Variants in PPM1E observed in about 807,000 individuals in gnomAD.
PPM1E encodes the protein protein phosphatase 1E.
In PPM1E, 20 loss-of-function variants were observed where a neutral mutation model predicts 65.9. That is an observed-to-expected ratio of 0.30 (90% CI 0.21 to 0.44). The LOEUF (loss-of-function observed/expected upper bound fraction) is 0.44, where lower values mean the gene tolerates loss of function less well. Ranked by LOEUF, PPM1E falls within the 20% of genes least tolerant of loss-of-function variation. The pLI is 1.00. For missense variants in PPM1E, 713 were observed against 953.1 expected (o/e 0.75, Z 3.32); for synonymous variants, 352 against 374.9 (o/e 0.94, Z 0.70).
At chr17:58,846,966 C>T (rs1320483533) in intron 1 of PPM1E, among the ~76,000 whole-genome samples, 1 of 152,270 alleles carries the variant, frequency 6.6e-6, no homozygotes, top group African/African-American at 2.4e-5. Flanking sequence ...GCCATTCTAA[C>T]TGGTGTGAGA....
At chr17:58,837,499 C>CT (rs570230875) in intron 1 of PPM1E, among the ~76,000 whole-genome samples, 35,421 of 131,218 alleles carry the variant, frequency 0.27, 5,037 homozygotes, top group Middle Eastern at 0.44. Flanking sequence ...AATCATGAGG[C>CT]TTTTTTTTTT....
rs552679391 is a variant in PPM1E, at chr17:58,956,134, TA to T, written c.583+368del. On this transcript the variant is annotated intron_variant, in intron 2 of 6. Transcript: ENST00000308249. The stretch of plus-strand genomic sequence containing the variant: ...CAAAACCTATTTGAAATGTTTAGCT[TA>T]CCTTTAAAAATCCAAGTTAGGCCAG... Among the ~76,000 whole-genome samples, 29 of 152,184 alleles carry T rather than the reference TA, an allele frequency of 1.9e-4. No individual in the cohort carries two copies. The South Asian group carries it at 6.0e-3, about 32-fold the overall frequency.
At chr17:58,967,684 TA>T (rs2030340652) in intron 3 of PPM1E, among the ~76,000 whole-genome samples, 1 of 152,062 alleles carries the variant, frequency 6.6e-6, no homozygotes, top group Non-Finnish European at 1.5e-5. Context: ...ATCCTTTTTT[TA>T]TTTTTTTAAG....
rs569970114 is a variant in PPM1E at position 58,841,091 on chromosome 17, C to T, written c.464+84630C>T. Among the ~76,000 whole-genome samples, 4 of 152,238 alleles carry T rather than the reference C, an allele frequency of 2.6e-5. No homozygotes were observed. In the South Asian group the frequency reaches 6.2e-4, roughly 24 times the overall value. On this transcript the variant is annotated intron_variant, in intron 1 of 6. Transcript: ENST00000308249. ...ATTGTTCTCACTCACCCTGGGGCAC[C>T]CCCCTTGTTGTTGCTAACTTATCAG...
At chr17:58,927,833 C>T (rs901014173) in intron 1 of PPM1E, among the ~76,000 whole-genome samples, 3 of 151,726 alleles carry the variant, frequency 2.0e-5, no homozygotes, top group Admixed American at 6.6e-5. Context: ...CTGAGGCAGG[C>T]GGATCATCTG....
chr17:58,899,525 TA>T (rs1461065695), intron 1 of PPM1E: 1 of 226,684 alleles, frequency 4.4e-6, no homozygotes, highest in Admixed American at 4.0e-5. Flanking sequence ...CGTATCACCC[TA>T]ATTAAGGTTG....
intron 1 of PPM1E, among the ~76,000 whole-genome samples, chr17:58,935,804 A>G (rs2051972008): frequency 6.6e-6 from 1 of 152,006 alleles, no homozygotes. Context: ...GTAGGGAATG[A>G]GATTTCTTTT....
chr17:58,883,446 C>CTCTAT (rs2051226825), intron 1 of PPM1E, among the ~76,000 whole-genome samples: 1 of 143,164 alleles, frequency 7.0e-6, no homozygotes, highest in African/African-American at 2.6e-5. Flanking sequence ...CAAATACAGG[C>CTCTAT]TTTCTTTAGG....
Position 58,876,629 on chromosome 17 carries a change from G to C in PPM1E, c.465-79020G>C, listed in dbSNP as rs77012434. ...AAACTTGAAAATTTATTTATGGAAT[G>C]GTAAATTAGAAACTGATAGTAAATC... is the stretch of plus-strand genomic sequence containing the variant. On this transcript the variant is annotated intron_variant, in intron 1 of 6. Transcript: ENST00000308249. Among the ~76,000 whole-genome samples, 1,390 of 152,094 alleles carry C rather than the reference G, an allele frequency of 9.1e-3. 66 individuals carry two copies. In the East Asian group the frequency reaches 0.12, roughly 13 times the overall value.
At chr17:58,839,519 G>A (rs550974600) in intron 1 of PPM1E, among the ~76,000 whole-genome samples, 43 of 152,258 alleles carry the variant, frequency 2.8e-4, no homozygotes, top group African/African-American at 1.0e-3. Flanking sequence ...CAAAGGAACT[G>A]TACAAGAGTA....
chr17:58,960,175 C>T (rs896639683), intron 2 of PPM1E, among the ~76,000 whole-genome samples: 1 of 152,128 alleles, frequency 6.6e-6, no homozygotes, highest in African/African-American at 2.4e-5. Flanking sequence ...CTTTCTTTCA[C>T]TTTGATTTTG....
intron 1 of PPM1E, among the ~76,000 whole-genome samples, chr17:58,938,940 C>G (rs1453460289): frequency 1.3e-5 from 2 of 151,968 alleles, no homozygotes; most frequent in African/African-American, 4.8e-5. Flanking sequence ...AAGTGCCCAC[C>G]ACCACGCCCA....
At chr17:58,956,631 TC>T (rs897312844) in intron 2 of PPM1E, among the ~76,000 whole-genome samples, 1 of 152,160 alleles carries the variant, frequency 6.6e-6, no homozygotes, top group Non-Finnish European at 1.5e-5. Flanking sequence ...TACATTTTTT[TC>T]CAGATAAATT....
intron 1 of PPM1E, among the ~76,000 whole-genome samples, chr17:58,830,299 T>TTAA (rs2050588684): frequency 6.7e-6 from 1 of 149,888 alleles, no homozygotes; most frequent in Admixed American, 6.6e-5. Flanking sequence ...GTTGTTATTA[T>TTAA]TATTATTATT....
intron 1 of PPM1E, among the ~76,000 whole-genome samples, chr17:58,882,615 T>C (rs1289602924): frequency 1.3e-5 from 2 of 152,088 alleles, no homozygotes; most frequent in Non-Finnish European, 2.9e-5. Context: ...GGTCTCAAAC[T>C]CCTGACCTCA....
At position 58,801,737 on chromosome 17, in the gene PPM1E, G is replaced by A. The variant is rs547771282; in HGVS notation, c.464+45276G>A. On this transcript the variant is annotated intron_variant, in intron 1 of 6. Transcript: ENST00000308249. ...ATTACAGGTTTGAGCCACCACGCTC[G>A]GCTCCCCTTCAGTTTTTTTTTAATT... Among the ~76,000 whole-genome samples, 9 of 151,082 alleles carry A rather than the reference G, an allele frequency of 6.0e-5. No homozygotes were observed. In the East Asian group the frequency reaches 1.2e-3, roughly 20 times the overall value.
At chr17:58,828,365 A>G (rs572958683) in intron 1 of PPM1E, among the ~76,000 whole-genome samples, 2 of 151,794 alleles carry the variant, frequency 1.3e-5, no homozygotes, top group Admixed American at 1.3e-4. Flanking sequence ...AACTATTTTA[A>G]TTTTCTTTTC....
chr17:58,827,009 A>G (rs947704013), intron 1 of PPM1E, among the ~76,000 whole-genome samples: 5 of 151,894 alleles, frequency 3.3e-5, no homozygotes, highest in African/African-American at 1.2e-4. Context: ...ACCCATTTAA[A>G]ACTCTCTTTC....
intron 1 of PPM1E, among the ~76,000 whole-genome samples, chr17:58,791,317 C>T (rs1324882930): frequency 1.3e-5 from 2 of 152,084 alleles, no homozygotes; most frequent in African/African-American, 4.8e-5. Context: ...CTATAATGGA[C>T]ATGAACAGGA....
Sources: gnomAD v4.1 joint callset for allele counts (sites outside exome capture counted in the v4.1 genomes callset) on GRCh38, gnomAD v4.1.1 for gene constraint, MANE v1.5 for transcripts, NCBI Gene and HGNC (gene_info 2026-07-23, HGNC 2026-07-21) for gene names.